TMEM135: variants seen among roughly 807,000 people sequenced by gnomAD.
TMEM135 encodes the protein transmembrane protein 135, also known as peroxisomal membrane protein 52.
Under a neutral mutation model 60.3 loss-of-function variants are expected in TMEM135, and 30 were observed. The ratio of observed to expected loss-of-function variants is 0.50; its 90% confidence interval spans 0.37 to 0.68. The LOEUF (loss-of-function observed/expected upper bound fraction) is 0.68. TMEM135 is among the 30% of genes least tolerant of loss of function. The pLI is 0.00. For synonymous variants in TMEM135, 190 were observed against 186.7 expected (o/e 1.02, Z -0.14); for missense variants, 468 against 548.8 (o/e 0.85, Z 1.47).
chr11:87,312,259 T>C (rs190462172), intron 10 of TMEM135, among the ~76,000 whole-genome samples: 12 of 151,760 alleles, frequency 7.9e-5, no homozygotes, highest in African/African-American at 2.9e-4. Flanking sequence ...TTATTATTTG[T>C]ACTTGCTTTA....
chr11:87,182,708 T>G (rs887738121), intron 5 of TMEM135, among the ~76,000 whole-genome samples: 1 of 152,184 alleles, frequency 6.6e-6, no homozygotes, highest in Admixed American at 6.5e-5. Flanking sequence ...TAGAAAATTT[T>G]TGTGTTTTTT....
intron 6 of TMEM135, among the ~76,000 whole-genome samples, chr11:87,288,402 G>A (rs1942206656): frequency 1.3e-5 from 2 of 152,074 alleles, no homozygotes; most frequent in South Asian, 4.1e-4. Flanking sequence ...ACCTCAATAA[G>A]TTTTATAAAA....
intron 4 of TMEM135, among the ~76,000 whole-genome samples, chr11:87,141,043 CT>C (rs35634960): frequency 0.66 from 96,011 of 145,980 alleles, 31,641 homozygotes; most frequent in East Asian, 0.81. Flanking sequence ...CAACTTTGTT[CT>C]TTTTTTTTTT....
rs575408591 is a variant in TMEM135 at position 87,165,884 on chromosome 11, G to A, written c.462+8478G>A. Among the ~76,000 whole-genome samples, 8 of 150,490 alleles carry A rather than the reference G, an allele frequency of 5.3e-5. No individual in the cohort carries two copies. The East Asian group carries it at 7.8e-4, about 15-fold the overall frequency. ...AAAAAGAGAGAAGAATCTAATAGAC[G>A]CAATAAAAAATGATAAAGGGGATAT... On this transcript the variant is annotated intron_variant, in intron 5 of 14. Transcript: ENST00000305494.
intron 5 of TMEM135, among the ~76,000 whole-genome samples, chr11:87,225,668 A>C (rs1410290365): frequency 6.6e-6 from 1 of 152,062 alleles, no homozygotes; most frequent in Non-Finnish European, 1.5e-5. Flanking sequence ...GATTACTCCT[A>C]CTTTGGAAGC....
At chr11:87,243,802 A>G (rs560044688) in intron 6 of TMEM135, among the ~76,000 whole-genome samples, 2 of 84,554 alleles carry the variant, frequency 2.4e-5, no homozygotes, top group South Asian at 7.8e-4. Flanking sequence ...CAAAACAGGG[A>G]CAATTTGACT....
intron 4 of TMEM135, among the ~76,000 whole-genome samples, chr11:87,092,940 C>G (rs1857242355): frequency 8.6e-6 from 1 of 116,314 alleles, no homozygotes; most frequent in African/African-American, 3.4e-5. Context: ...TTTTATTTAG[C>G]TTGATCAGAA....
chr11:87,063,639 C>T (rs572041786), intron 1 of TMEM135, among the ~76,000 whole-genome samples: 1 of 152,260 alleles, frequency 6.6e-6, no homozygotes, highest in South Asian at 2.1e-4. Flanking sequence ...GGTCACCCTG[C>T]CCTGTTACCT....
chr11:87,074,250 G>T (rs1856828271), intron 3 of TMEM135, among the ~76,000 whole-genome samples: 1 of 152,210 alleles, frequency 6.6e-6, no homozygotes, highest in Admixed American at 6.5e-5. Flanking sequence ...ACAGGCATGA[G>T]CTACTGGGCC....
At chr11:87,120,423 C>T (rs1858021133) in intron 4 of TMEM135, among the ~76,000 whole-genome samples, 1 of 149,128 alleles carries the variant, frequency 6.7e-6, no homozygotes, top group Admixed American at 6.7e-5. Flanking sequence ...TTAGTCGTAT[C>T]ATGGGGATAT....
intron 4 of TMEM135, among the ~76,000 whole-genome samples, chr11:87,147,371 A>G (rs906694672): frequency 6.6e-6 from 1 of 152,162 alleles, no homozygotes; most frequent in Non-Finnish European, 1.5e-5. Flanking sequence ...AAAAATTGTT[A>G]CTTCTTTTTT....
chr11:87,243,134 C>G (rs372052706), intron 6 of TMEM135, among the ~76,000 whole-genome samples: 24 of 87,654 alleles, frequency 2.7e-4, no homozygotes, highest in Admixed American at 5.2e-4. Context: ...GCTTGTTTTT[C>G]TCAGGTTTGT....
At chr11:87,086,148 T>G (rs1423900182) in intron 3 of TMEM135, among the ~76,000 whole-genome samples, 1 of 152,198 alleles carries the variant, frequency 6.6e-6, no homozygotes, top group African/African-American at 2.4e-5. Flanking sequence ...TATAATACAC[T>G]TTTTTTCTGT....
At chr11:87,080,473 G>A (rs1236727121) in intron 3 of TMEM135, among the ~76,000 whole-genome samples, 44 of 152,070 alleles carry the variant, frequency 2.9e-4, no homozygotes, top group Non-Finnish European at 2.9e-5. Flanking sequence ...ATCATTTGCT[G>A]AGAGAAAAGT....
intron 4 of TMEM135, among the ~76,000 whole-genome samples, chr11:87,100,718 C>T (rs536362382): frequency 6.6e-6 from 1 of 152,124 alleles, no homozygotes; most frequent in African/African-American, 2.4e-5. Flanking sequence ...AAAAATTAGC[C>T]AGGCGTGGTG....
intron 1 of TMEM135, among the ~76,000 whole-genome samples, chr11:87,038,416 C>T (rs1398003691): frequency 6.6e-6 from 1 of 152,090 alleles, no homozygotes; most frequent in East Asian, 1.9e-4. Flanking sequence ...GAGCTGTCAT[C>T]TGAATGCCTG....
intron 4 of TMEM135, among the ~76,000 whole-genome samples, chr11:87,102,148 A>G (rs1216611697): frequency 6.6e-6 from 1 of 152,172 alleles, no homozygotes; most frequent in Non-Finnish European, 1.5e-5. Flanking sequence ...ATAGCATCAG[A>G]TTCCACTGGT....
At chr11:87,142,765 A>C (rs1938301590) in intron 4 of TMEM135, among the ~76,000 whole-genome samples, 5 of 126,984 alleles carry the variant, frequency 3.9e-5, no homozygotes, top group African/African-American at 9.0e-5. Context: ...TTTTTTTCCC[A>C]TTTCCCTTTC....
chr11:87,157,029 G>A (rs576679), intron 4 of TMEM135, among the ~76,000 whole-genome samples: 55,490 of 150,676 alleles, frequency 0.37, 10,740 homozygotes, highest in East Asian at 0.67. Context: ...CCTTGTAGAT[G>A]GTTCTCTAGT....
Sources: allele counts gnomAD v4.1 joint callset (sites outside exome capture counted in the v4.1 genomes callset), GRCh38; gene constraint gnomAD v4.1.1; transcripts MANE v1.5; gene names NCBI Gene and HGNC (gene_info 2026-07-23, HGNC 2026-07-21).